MGAM2: variants seen among roughly 807,000 people sequenced by gnomAD.
MGAM2 encodes maltase-glucoamylase 2 (putative).
In MGAM2, 98 loss-of-function variants were observed where a neutral mutation model predicts 96.1. The ratio of observed to expected loss-of-function variants is 1.02; its 90% CI spans 0.87 to 1.21. The LOEUF is 1.21. Among genes scored for constraint, MGAM2 ranks in the 50% most tolerant of loss-of-function variants. The pLI is 0.00. For missense variants in MGAM2, 2,055 were observed against 1,182.4 expected (o/e 1.74, Z -10.82); for synonymous variants, 749 against 414.8 (o/e 1.81, Z -9.79).
rs76786761 is a variant in MGAM2 at position 142,143,862 on chromosome 7, G to A, written c.1411G>A (p.Glu471Lys). ...DQVAKFHDHL[E>K]FDGVWIEMNE... ...GGTCGCTAAATTTCATGATCATCTG[G>A]AGTTTGATGGAGTGTGGATTGTAAG... The change falls in exon 13 of 48, where the codon GAG (glutamate) becomes AAG (lysine). Residue 471 changes from glutamate to lysine, a missense_variant. Transcript: ENST00000477922. The A allele has an allele frequency of 0.044, 31,018 of 702,576 alleles. 905 individuals are homozygous for A. Among genetic ancestry groups the A allele is most frequent in the Non-Finnish European group, 0.06 (22,952 of 384,670 alleles). The allele number at this position is 702,576 out of a possible 1,614,324, so 43.5% of individuals were successfully genotyped here.
At position 142,220,296 on chromosome 7, in the gene MGAM2, A is replaced by G. The variant is rs534270532; in HGVS notation, c.5785A>G (p.Ser1929Gly). The G allele has an allele frequency of 4.3e-6, 3 of 702,768 alleles. No homozygotes were observed. In the African/African-American group the frequency reaches 5.2e-5, roughly 12 times the overall value. 43.5% of individuals were successfully genotyped at this position (702,768 alleles called of 1,614,324 possible). A position where few individuals can be genotyped will look rare whatever the true frequency, so the allele number is the denominator to read the frequency against. ...NTTAPFPTNA[S>G]TASTNATVPI... is the part of the protein sequence containing the mutation. ...AACTGCCCCTTTCCCAACAAATGCT[A>G]GTACTGCTAGCACTAATGCTACTGT... The change falls in exon 48 of 48, where the codon AGT (serine) becomes GGT (glycine). Residue 1929 changes from serine to glycine, a missense_variant. Ser to Gly is a moderately conservative substitution (Grantham distance 56, BLOSUM62 0). Transcript: ENST00000477922.
intron 1 of MGAM2, among the ~76,000 whole-genome samples, chr7:142,113,229 C>T (rs907566530): frequency 6.6e-5 from 10 of 152,140 alleles, no homozygotes; most frequent in African/African-American, 1.2e-4. Context: ...TCCCTGCTGA[C>T]TTATATTTAA....
At chr7:142,180,892 G>A (rs186205862) in intron 32 of MGAM2, among the ~76,000 whole-genome samples, 2 of 152,292 alleles carry the variant, frequency 1.3e-5, no homozygotes, top group East Asian at 1.9e-4. Context: ...AGTTTAGGAA[G>A]TTCAGTTTAG....
intron 3 of MGAM2, among the ~76,000 whole-genome samples, chr7:142,121,856 T>C (rs1794583549): frequency 6.6e-6 from 1 of 151,942 alleles, no homozygotes; most frequent in African/African-American, 2.4e-5. Flanking sequence ...ATCTTATACA[T>C]TCATATGTCT....
At chr7:142,122,240 G>C (rs1794597774) in intron 3 of MGAM2, among the ~76,000 whole-genome samples, 1 of 152,108 alleles carries the variant, frequency 6.6e-6, no homozygotes, top group Non-Finnish European at 1.5e-5. Flanking sequence ...GGATTTGAAA[G>C]TAAGTTCTAG....
At position 142,220,635 on chromosome 7, in the gene MGAM2, A is replaced by T. The variant is rs1797896450; in HGVS notation, c.6124A>T (p.Thr2042Ser). The change falls in exon 48 of 48, where the codon ACT becomes TCT. Residue 2042 changes from threonine to serine, a missense_variant. Physicochemically the swap from Thr to Ser is moderately conservative, Grantham distance 58. Transcript: ENST00000477922. ...AACTGGTACTACTGTTCCTGATACA[A>T]CTGCTCCTTTCCCTACAAGTACTAC... ...VTTGTTVPDTTAPFPTSTTST... is the reference protein window; with the variant it reads ...VTTGTTVPDTSAPFPTSTTST... 1 of 702,228 alleles carries T rather than the reference A, an allele frequency of 1.4e-6. No individual in the cohort carries two copies. Among genetic ancestry groups the T allele is most frequent in the Admixed American group, 2.0e-5 (1 of 49,884 alleles). 43.5% of individuals were successfully genotyped at this position (702,228 alleles called of 1,614,324 possible). A position where few individuals can be genotyped will look rare whatever the true frequency, so the allele number is the denominator to read the frequency against.
At chr7:142,146,561 G>A (rs920257265) in intron 14 of MGAM2, among the ~76,000 whole-genome samples, 10 of 152,226 alleles carry the variant, frequency 6.6e-5, no homozygotes, top group South Asian at 2.1e-4. Context: ...CTTTGTGAAG[G>A]AAGGTAGATA....
chr7:142,167,483 C>A lies in MGAM2; in HGVS notation c.3024C>A (p.Val1008=). The part of the protein sequence containing the change: ...VIYHTATMLQ[V]KIYDPTNKRY... ...ATCACACAGCAACCATGCTGCAGGTCAAGGTAAGGCCCATGTTGCAGATTC... is the reference window on the plus strand; with the variant it reads ...ATCACACAGCAACCATGCTGCAGGTAAAGGTAAGGCCCATGTTGCAGATTC... Residue 1008 remains valine, a synonymous_variant, in exon 26 of 48, where the codon GTC becomes GTA. Transcript: ENST00000477922. 1.4e-6 allele frequency: 1 copy of A among 702,990 alleles called. No individual in the cohort carries two copies. The highest frequency in any genetic ancestry group is 1.5e-5 in the South Asian group (1 of 67,584). 43.5% of individuals were successfully genotyped at this position (702,990 alleles called of 1,614,324 possible). A position where few individuals can be genotyped will look rare whatever the true frequency, so the allele number is the denominator to read the frequency against.
At chr7:142,180,322 G>A (rs561272946) in intron 32 of MGAM2, among the ~76,000 whole-genome samples, 3 of 151,956 alleles carry the variant, frequency 2.0e-5, no homozygotes, top group Non-Finnish European at 2.9e-5. Context: ...TTGATCTGTT[G>A]TATGGATTTT....
intron 45 of MGAM2, among the ~76,000 whole-genome samples, 167 bp downstream of exon 45, chr7:142,200,135 A>G (rs1391401948): frequency 3.9e-5 from 6 of 152,158 alleles, no homozygotes; most frequent in Admixed American, 2.6e-4. Flanking sequence ...ATATTATACT[A>G]TAGTTAGTAT....
intron 45 of MGAM2, among the ~76,000 whole-genome samples, chr7:142,204,193 T>G (rs910384305): frequency 6.6e-6 from 1 of 152,068 alleles, no homozygotes; most frequent in Non-Finnish European, 1.5e-5. Context: ...GTATAGTTCT[T>G]GTACATATTT....
intron 36 of MGAM2, among the ~76,000 whole-genome samples, chr7:142,188,679 G>T (rs1026659968): frequency 9.2e-5 from 14 of 152,214 alleles, no homozygotes; most frequent in African/African-American, 3.1e-4. Context: ...TGGTAAGAAA[G>T]TGACATGCAT....
chr7:142,171,230 C>A, intron 27 of MGAM2, 42 bp from the exon 28 acceptor site: 1 of 701,436 alleles, frequency 1.4e-6, no homozygotes, highest in East Asian at 2.7e-5. Flanking sequence ...GTAGCTCTGG[C>A]CAGTGGTCTC....
chr7:142,154,828 A>G lies in MGAM2; in HGVS notation c.1906A>G (p.Asn636Asp), dbSNP rs1349120771. Reference sequence around the variant, plus strand: ...ATTTTATCCACTACCAAGGAATCACAATGGGCCTGGGTTCAGGGTAAGGTC... The same window carrying G: ...ATTTTATCCACTACCAAGGAATCACGATGGGCCTGGGTTCAGGGTAAGGTC... The part of the protein sequence containing the change: ...GAFYPLPRNH[N>D]GPGFRDQDPA... Residue 636 changes from asparagine to aspartate, a missense_variant, in exon 17 of 48, where the codon AAT becomes GAT. Asn to Asp is a conservative substitution (Grantham distance 23). Coordinates refer to ENST00000477922, the MANE Select transcript of MGAM2 (RefSeq NM_001293626.2). The G allele has an allele frequency of 5.7e-6, 4 of 703,384 alleles. No individual in the cohort carries two copies. Among genetic ancestry groups the G allele is most frequent in the Non-Finnish European group, 1.0e-5 (4 of 385,014 alleles). 43.6% of individuals were successfully genotyped at this position (703,384 alleles called of 1,614,324 possible). A position where few individuals can be genotyped will look rare whatever the true frequency, so the allele number is the denominator to read the frequency against.
rs1369897398 is a variant in MGAM2 at position 142,143,780 on chromosome 7, A to T, written c.1329A>T (p.Gly443=). 1 of 678,108 alleles carries T rather than the reference A, an allele frequency of 1.5e-6. No individual in the cohort carries two copies. 42.0% of individuals were successfully genotyped at this position (678,108 alleles called of 1,614,324 possible). A position where few individuals can be genotyped will look rare whatever the true frequency, so the allele number is the denominator to read the frequency against. The change falls in exon 13 of 48, where the codon GGA becomes GGT. Residue 443 remains glycine (G), a synonymous_variant. Coordinates refer to ENST00000477922, the MANE Select transcript of MGAM2 (RefSeq NM_001293626.2). ...CCTCTGTGTCCTAGGGATATCCGGG[A>T]CCGACAGTCTTTCCCGATTATACCA... ...NGFAVGEGYP[G]PTVFPDYTNP...
intron 3 of MGAM2, among the ~76,000 whole-genome samples, chr7:142,129,335 T>TA (rs1794815853): frequency 6.6e-6 from 1 of 152,134 alleles, no homozygotes; most frequent in East Asian, 1.9e-4. Context: ...ACTTTGGACT[T>TA]GTACTTTTGG....
chr7:142,218,624 T>C (rs530545343), intron 47 of MGAM2, 93 bp downstream of exon 47: 1 of 587,708 alleles, frequency 1.7e-6, no homozygotes, highest in African/African-American at 1.9e-5. Flanking sequence ...AAAATTATCA[T>C]TGTTAAATTT....
chr7:142,205,487 TA>T (rs59710239), intron 45 of MGAM2, among the ~76,000 whole-genome samples: 98,561 of 151,832 alleles, frequency 0.65, 32,038 homozygotes, highest in Admixed American at 0.69. Flanking sequence ...TCTATTTTTT[TA>T]ATTATGATCA....
intron 33 of MGAM2, 79 bp downstream of exon 33, chr7:142,183,452 A>G (rs1430538860): frequency 7.5e-6 from 5 of 664,904 alleles, no homozygotes; most frequent in African/African-American, 7.2e-5. Flanking sequence ...ACACATTGGA[A>G]AATATATTGG....
Sources: gnomAD v4.1 joint callset for allele counts (sites outside exome capture counted in the v4.1 genomes callset) on GRCh38, gnomAD v4.1.1 for gene constraint, MANE v1.5 for transcripts, NCBI Gene and HGNC (gene_info 2026-07-23, HGNC 2026-07-21) for gene names.